Variants in DLGAP2 observed in about 807,000 individuals in gnomAD.
DLGAP2 encodes disks large-associated protein 2.
A neutral mutation model predicts 100.3 loss-of-function variants in DLGAP2; 26 were observed. The ratio of observed to expected loss-of-function variants is 0.26; its 90% CI spans 0.19 to 0.36. DLGAP2 has a LOEUF of 0.36. Among genes scored for constraint, DLGAP2 ranks in the 10% least tolerant of loss-of-function variants. The pLI, the probability that DLGAP2 is intolerant of heterozygous loss-of-function variation, is 1.00. For missense variants in DLGAP2, 1,858 were observed against 1,453.2 expected, an observed-to-expected ratio of 1.28 and a Z score of -4.53; for synonymous variants, 886 against 630.1, an observed-to-expected ratio of 1.41 and a Z score of -6.08.
intron 1 of DLGAP2, among the ~76,000 whole-genome samples, chr8:757,147 C>T (rs888300877): frequency 6.6e-6 from 1 of 152,184 alleles, no homozygotes; most frequent in African/African-American, 2.4e-5. Flanking sequence ...GCTCTCTGTC[C>T]CCTTCCCTTT....
intron 2 of DLGAP2, among the ~76,000 whole-genome samples, chr8:1,200,679 G>A (rs1160704075): frequency 6.6e-6 from 1 of 151,690 alleles, no homozygotes; most frequent in African/African-American, 2.4e-5. Flanking sequence ...GGAGCGCACA[G>A]CCCTTGACCT....
rs946239662 is a variant in DLGAP2, at chr8:1,627,271, C to T, written c.1590+384C>T. 3.9e-5 allele frequency among the ~76,000 whole-genome samples: 6 copies of T among 152,178 alleles called. No homozygotes were observed. The East Asian group carries it at 1.2e-3, about 29-fold the overall frequency. On this transcript the variant is annotated intron_variant, in intron 7 of 14. Coordinates refer to ENST00000637795, the MANE Select transcript of DLGAP2 (RefSeq NM_001346810.2). ...TCTCAGCTCTGTCCTCTGAATTGTG[C>T]CTCAGAAAGTCCTGTGAGAGGATAG...
chr8:835,893 C>T (rs542156135), intron 1 of DLGAP2, among the ~76,000 whole-genome samples: 4 of 152,272 alleles, frequency 2.6e-5, no homozygotes, highest in South Asian at 2.1e-4. Flanking sequence ...TTTCCTGTTA[C>T]GCTGCCGTAA....
intron 2 of DLGAP2, among the ~76,000 whole-genome samples, chr8:1,232,158 G>A (rs1434578683): frequency 2.0e-5 from 3 of 152,214 alleles, no homozygotes; most frequent in African/African-American, 2.4e-5. Flanking sequence ...TCACGACTGG[G>A]TGGTGCTGAG....
At chr8:1,560,646 C>A (rs748703809) in intron 5 of DLGAP2, among the ~76,000 whole-genome samples, 88 of 152,218 alleles carry the variant, frequency 5.8e-4, no homozygotes, top group Admixed American at 2.0e-3. Context: ...CTGCCCGCCA[C>A]CTGGCCTGAA....
chr8:1,472,327 G>T (rs1015709568), intron 3 of DLGAP2, among the ~76,000 whole-genome samples: 4 of 152,228 alleles, frequency 2.6e-5, no homozygotes, highest in Non-Finnish European at 5.9e-5. Flanking sequence ...AGGGGCGCAG[G>T]TGCCATCATC....
At chr8:947,700 G>A (rs866268296) in intron 2 of DLGAP2, among the ~76,000 whole-genome samples, 5 of 152,188 alleles carry the variant, frequency 3.3e-5, no homozygotes, top group Non-Finnish European at 5.9e-5. Context: ...CCACGGCTCC[G>A]GGAAGGGCTC....
At chr8:1,477,024 T>C (rs1054186014) in intron 3 of DLGAP2, among the ~76,000 whole-genome samples, 1 of 146,430 alleles carries the variant, frequency 6.8e-6, no homozygotes, top group Non-Finnish European at 1.5e-5. Context: ...TGAAGACAGG[T>C]TTATTCTCAG....
intron 3 of DLGAP2, among the ~76,000 whole-genome samples, chr8:1,418,766 C>A (rs967507965): frequency 1.3e-5 from 2 of 152,214 alleles, no homozygotes; most frequent in African/African-American, 4.8e-5. Flanking sequence ...TAATTCATTG[C>A]TGTCCTGACC....
chr8:1,482,823 G>A (rs1020623427), intron 3 of DLGAP2, among the ~76,000 whole-genome samples: 1 of 152,264 alleles, frequency 6.6e-6, no homozygotes, highest in Non-Finnish European at 1.5e-5. Context: ...CCCTCGTTCG[G>A]GGCATCAGGC....
chr8:1,286,625 A>T (rs1226233082), intron 3 of DLGAP2, among the ~76,000 whole-genome samples: 1 of 152,146 alleles, frequency 6.6e-6, no homozygotes, highest in African/African-American at 2.4e-5. Context: ...ATCTAGTCTG[A>T]CCTGAACTGT....
intron 1 of DLGAP2, among the ~76,000 whole-genome samples, chr8:743,263 C>T (rs1242320812): frequency 1.3e-5 from 2 of 152,070 alleles, no homozygotes; most frequent in African/African-American, 4.8e-5. Flanking sequence ...ACTGAGCTTC[C>T]AGGGAGTCAA....
At chr8:1,363,873 T>A (rs1037841557) in intron 3 of DLGAP2, among the ~76,000 whole-genome samples, 1 of 151,990 alleles carries the variant, frequency 6.6e-6, no homozygotes, top group Admixed American at 6.5e-5. Flanking sequence ...CTGGGAGGCC[T>A]CTTCTGACCA....
At chr8:1,101,070 ACTC>A (rs1448969547) in intron 2 of DLGAP2, among the ~76,000 whole-genome samples, 1 of 152,060 alleles carries the variant, frequency 6.6e-6, no homozygotes, top group Non-Finnish European at 1.5e-5. Flanking sequence ...GCCCACGTCT[ACTC>A]CTCAGGGGCT....
At chr8:1,078,062 C>T (rs988594766) in intron 2 of DLGAP2, among the ~76,000 whole-genome samples, 2 of 152,180 alleles carry the variant, frequency 1.3e-5, no homozygotes, top group African/African-American at 2.4e-5. Context: ...CACCGGGACC[C>T]GGTGAGGGTT....
intron 3 of DLGAP2, among the ~76,000 whole-genome samples, chr8:1,289,092 G>A (rs986018280): frequency 2.0e-5 from 3 of 152,198 alleles, no homozygotes; most frequent in African/African-American, 7.2e-5. Flanking sequence ...TGGCAATGCT[G>A]ATGTACTCCA....
intron 3 of DLGAP2, among the ~76,000 whole-genome samples, chr8:1,322,184 T>C (rs1800916621): frequency 6.6e-6 from 1 of 152,232 alleles, no homozygotes; most frequent in South Asian, 2.1e-4. Flanking sequence ...AATTCTTTAA[T>C]TTTGAATTAA....
chr8:1,257,049 G>A (rs777632070), intron 2 of DLGAP2, among the ~76,000 whole-genome samples: 2 of 152,086 alleles, frequency 1.3e-5, no homozygotes, highest in African/African-American at 4.8e-5. Flanking sequence ...CTTCTCTCCC[G>A]TCCCCTCCAC....
chr8:773,983 A>G (rs895424603), intron 1 of DLGAP2, among the ~76,000 whole-genome samples: 1 of 152,086 alleles, frequency 6.6e-6, no homozygotes, highest in Non-Finnish European at 1.5e-5. Context: ...AAGTGTTCCT[A>G]TTTCTCCACA....
Sources: gnomAD v4.1 joint callset for allele counts (sites outside exome capture counted in the v4.1 genomes callset) on GRCh38, gnomAD v4.1.1 for gene constraint, MANE v1.5 for transcripts, NCBI Gene and HGNC (gene_info 2026-07-23, HGNC 2026-07-21) for gene names.